Variants in OTOGL observed in about 807,000 individuals in gnomAD.
The protein encoded by OTOGL is otogelin like.
In OTOGL, 285 loss-of-function variants were observed where a neutral mutation model predicts 318.5. The observed-to-expected ratio is 0.89, with a 90% CI of 0.81 to 0.99. The LOEUF (loss-of-function observed/expected upper bound fraction) is 0.99. Ranked by LOEUF, OTOGL falls within the 50% of genes least tolerant of loss-of-function variation. The pLI is 0.00. For synonymous variants in OTOGL, 987 were observed against 936.5 expected (o/e 1.05, Z -0.99); for missense variants, 2,899 against 2,845.6 (o/e 1.02, Z -0.43).
At chr12:80,111,151 A>C (rs1306407122) in intron 1 of OTOGL, among the ~76,000 whole-genome samples, 1 of 152,148 alleles carries the variant, frequency 6.6e-6, no homozygotes, top group East Asian at 1.9e-4. Context: ...TCTGGTTATT[A>C]GACTTTTGTC....
intron 1 of OTOGL, among the ~76,000 whole-genome samples, chr12:80,139,030 T>C (rs1444358007): frequency 6.6e-6 from 1 of 152,190 alleles, no homozygotes; most frequent in Non-Finnish European, 1.5e-5. Context: ...CCACACTCCC[T>C]TATAGCGAGG....
chr12:80,366,304 T>A, intron 52 of OTOGL: 1 of 453,574 alleles, frequency 2.2e-6, no homozygotes, highest in Non-Finnish European at 4.4e-6. Context: ...AACCCTAGGC[T>A]GCCTTGGTAG....
intron 4 of OTOGL, among the ~76,000 whole-genome samples, chr12:80,213,101 T>C (rs866689946): frequency 2.0e-5 from 3 of 152,228 alleles, no homozygotes; most frequent in East Asian, 3.8e-4. Flanking sequence ...TGACTGAGTA[T>C]ACTTGTAGTT....
intron 31 of OTOGL, among the ~76,000 whole-genome samples, chr12:80,313,932 A>G (rs1056289715): frequency 1.3e-5 from 2 of 152,108 alleles, no homozygotes; most frequent in Admixed American, 6.5e-5. Flanking sequence ...TTTTATGCCT[A>G]TGAAGTTTCA....
At chr12:80,168,586 G>T (rs2137210342) in intron 1 of OTOGL, among the ~76,000 whole-genome samples, 1 of 152,248 alleles carries the variant, frequency 6.6e-6, no homozygotes, top group South Asian at 2.1e-4. Context: ...TGAAGAAAAG[G>T]CTGTAATAAG....
intron 1 of OTOGL, among the ~76,000 whole-genome samples, chr12:80,136,220 C>G (rs1215149379): frequency 1.3e-5 from 2 of 152,176 alleles, no homozygotes; most frequent in Non-Finnish European, 2.9e-5. Context: ...CCACTAGAAT[C>G]AGGCTTTCAC....
At chr12:80,219,964 T>G in intron 6 of OTOGL, 52 bp downstream of exon 6, 3 of 1,317,948 alleles carry the variant, frequency 2.3e-6, no homozygotes, top group Non-Finnish European at 3.2e-6. Flanking sequence ...AGGAGAAAAT[T>G]AAGGCATAAT....
chr12:80,102,063 T>C (rs1176049254), intron 1 of OTOGL, among the ~76,000 whole-genome samples: 1 of 152,182 alleles, frequency 6.6e-6, no homozygotes, highest in Non-Finnish European at 1.5e-5. Flanking sequence ...TCCAGACCTA[T>C]GAATCCACTA....
At chr12:80,243,500 T>C (rs1880559945) in intron 11 of OTOGL, among the ~76,000 whole-genome samples, 1 of 151,588 alleles carries the variant, frequency 6.6e-6, no homozygotes, top group South Asian at 2.1e-4. Context: ...ATAAGAAATC[T>C]TGAAACATTA....
chr12:80,152,093 C>A (rs1420117080), intron 1 of OTOGL, among the ~76,000 whole-genome samples: 2 of 152,032 alleles, frequency 1.3e-5, no homozygotes, highest in East Asian at 1.9e-4. Context: ...AGTCATCTGG[C>A]ACTATCAGCA....
At chr12:80,279,213 ATGT>A in intron 26 of OTOGL, 47 bp downstream of exon 26, 1 of 1,522,446 alleles carries the variant, frequency 6.6e-7, no homozygotes. Flanking sequence ...TAAAGATTTA[ATGT>A]AAAAAACAAG....
At chr12:80,344,894 T>C (rs1480065970) in intron 44 of OTOGL, among the ~76,000 whole-genome samples, 2 of 150,256 alleles carry the variant, frequency 1.3e-5, no homozygotes, top group Non-Finnish European at 1.5e-5. Flanking sequence ...TTAAGTGTTA[T>C]AGTTTGAATA....
Position 80,336,164 on chromosome 12 carries a change from T to C in OTOGL, c.4600+24T>C, listed in dbSNP as rs202114347. 3,739 of 1,513,070 alleles carry C rather than the reference T, an allele frequency of 2.5e-3. 11 individuals carry two copies. The highest frequency in any genetic ancestry group is 3.2e-3 in the Non-Finnish European group (3,598 of 1,141,674). 93.7% of individuals were successfully genotyped at this position (1,513,070 alleles called of 1,614,324 possible). A position where few individuals can be genotyped will look rare whatever the true frequency, so the allele number is the denominator to read the frequency against. On this transcript the variant is annotated intron_variant, in intron 39 of 58. Coordinates refer to ENST00000547103, the MANE Select transcript of OTOGL (RefSeq NM_001378609.3). The stretch of plus-strand genomic sequence containing the variant: ...TTGTAAGTTTGCATTTCTTAAGCGG[T>C]GATCTTTTTTTTTTTTTTTTAATCT...
chr12:80,108,326 C>T (rs1869579875), intron 1 of OTOGL, among the ~76,000 whole-genome samples: 1 of 151,822 alleles, frequency 6.6e-6, no homozygotes, highest in Non-Finnish European at 1.5e-5. Context: ...ATAATTATAA[C>T]AATTATAATT....
Position 80,367,713 on chromosome 12 carries a change from G to A in OTOGL, c.6484G>A (p.Val2162Met), listed in dbSNP as rs773927033. Residue 2162 changes from valine (V) to methionine (M), a missense_variant, in exon 54 of 59, where the codon GTG becomes ATG. Transcript: ENST00000547103. ...CTTTCACACTCTGAATTTTACACTG[G>A]TGAATTGTTCAAAAAAATGTGATGT... is the stretch of plus-strand genomic sequence containing the variant. ...TGFHTLNFTL[V>M]NCSKKCDVHQ... The A allele has an allele frequency of 2.8e-6, 4 of 1,435,406 alleles. No individual in the cohort carries two copies. In the East Asian group the frequency reaches 1.0e-4, roughly 37 times the overall value. 88.9% of individuals were successfully genotyped at this position (1,435,406 alleles called of 1,614,324 possible).
intron 7 of OTOGL, 101 bp from the exon 8 acceptor site, chr12:80,229,156 G>C: frequency 7.6e-7 from 1 of 1,310,230 alleles, no homozygotes; most frequent in Non-Finnish European, 1.0e-6. Flanking sequence ...AAAGTGTCAT[G>C]GGACTAATGA....
intron 57 of OTOGL, among the ~76,000 whole-genome samples, chr12:80,375,121 A>G (rs1891106804): frequency 6.6e-6 from 1 of 152,152 alleles, no homozygotes; most frequent in African/African-American, 2.4e-5. Flanking sequence ...CTGCTGGCAT[A>G]TTAGAAAACC....
intron 55 of OTOGL, among the ~76,000 whole-genome samples, 175 bp downstream of exon 55, chr12:80,368,484 T>C (rs1890692123): frequency 6.6e-6 from 1 of 151,982 alleles, no homozygotes; most frequent in Non-Finnish European, 1.5e-5. Flanking sequence ...TGATAATTTA[T>C]GTTGTAAAGA....
chr12:80,126,820 T>G (rs1413330999), intron 1 of OTOGL, among the ~76,000 whole-genome samples: 2 of 152,192 alleles, frequency 1.3e-5, no homozygotes, highest in Non-Finnish European at 2.9e-5. Context: ...CTTTTGATCT[T>G]TGTTGGTTTA....
Sources: gnomAD v4.1 joint callset for allele counts (sites outside exome capture counted in the v4.1 genomes callset) on GRCh38, gnomAD v4.1.1 for gene constraint, MANE v1.5 for transcripts, NCBI Gene and HGNC (gene_info 2026-07-23, HGNC 2026-07-21) for gene names.